The following BRD4 variants were observed in gnomAD, a reference collection of about 807,000 sequenced individuals.
BRD4 encodes bromodomain containing 4.
In BRD4, 16 loss-of-function variants were observed where a neutral mutation model predicts 142.1. That is an observed-to-expected ratio of 0.11 (90% CI 0.08 to 0.17). BRD4 has a LOEUF of 0.17. Ranked by LOEUF, BRD4 falls within the 10% of genes least tolerant of loss-of-function variation. BRD4 has a pLI of 1.00. For missense variants in BRD4, 1,424 were observed against 1,810.9 expected (o/e 0.79, Z 3.88); for synonymous variants, 833 against 707.5 (o/e 1.18, Z -2.82).
At position 15,248,884 on chromosome 19, in the gene BRD4, G is replaced by C. The variant is rs528295302; in HGVS notation, c.2159-4122C>G. On this transcript the variant is annotated intron_variant, in intron 11 of 19. Transcript: ENST00000679869. Reference sequence around the variant, plus strand: ...AGGGTCCAAAGTCCCAGAAAAAGAGGGATGGGACAAAGAGAGAAAACATAC... The same window carrying C: ...AGGGTCCAAAGTCCCAGAAAAAGAGCGATGGGACAAAGAGAGAAAACATAC... 2.8e-5 allele frequency: 9 copies of C among 325,744 alleles called. No individual in the cohort carries two copies. The East Asian group carries it at 3.4e-4, about 12-fold the overall frequency. The allele number at this position is 325,744 out of a possible 1,614,324, so 20.2% of individuals were successfully genotyped here.
rs1214435176 is a variant in BRD4, at chr19:15,325,662, A to C, written c.-35+6628T>G. Among the ~76,000 whole-genome samples, 4 of 152,168 alleles carry C rather than the reference A, an allele frequency of 2.6e-5. No homozygotes were observed. The South Asian group carries it at 8.3e-4, about 32-fold the overall frequency. On this transcript the variant is annotated intron_variant, in intron 1 of 19. Coordinates refer to ENST00000679869, the MANE Select transcript of BRD4 (RefSeq NM_001379291.1). ...ATGCAACCTTTCCAGAAAATAAGTT[A>C]AATCAAGTTTTCAAAAATATACACC...
At chr19:15,286,466 G>A (rs187206457) in intron 1 of BRD4, among the ~76,000 whole-genome samples, 12 of 152,320 alleles carry the variant, frequency 7.9e-5, no homozygotes, top group East Asian at 7.7e-4. Context: ...GCACATCTGC[G>A]CATGTCCAAC....
At chr19:15,256,779 T>G (rs143495129) in intron 8 of BRD4, among the ~76,000 whole-genome samples, 185 bp downstream of exon 8, 3 of 152,234 alleles carry the variant, frequency 2.0e-5, no homozygotes, top group Non-Finnish European at 4.4e-5. Context: ...TCAACACATA[T>G]ATCATACATA....
intron 14 of BRD4, among the ~76,000 whole-genome samples, chr19:15,241,206 G>A (rs746208287): frequency 6.6e-6 from 1 of 152,240 alleles, no homozygotes; most frequent in Non-Finnish European, 1.5e-5. Context: ...TTTGGGCACT[G>A]CCAATTCCAT....
chr19:15,298,478 C>T (rs764756110), intron 1 of BRD4, among the ~76,000 whole-genome samples: 20 of 151,460 alleles, frequency 1.3e-4, no homozygotes, highest in South Asian at 4.2e-4. Flanking sequence ...AAAATTAGCC[C>T]GGCACGGTGG....
At chr19:15,255,907 T>C (rs535570546) in intron 9 of BRD4, among the ~76,000 whole-genome samples, 157 bp downstream of exon 9, 1 of 152,336 alleles carries the variant, frequency 6.6e-6, no homozygotes, top group South Asian at 2.1e-4. Context: ...AGCTAAGTCC[T>C]GTGTGCAAGT....
At chr19:15,275,124 G>A (rs1472610384) in intron 1 of BRD4, among the ~76,000 whole-genome samples, 1 of 152,288 alleles carries the variant, frequency 6.6e-6, no homozygotes, top group South Asian at 2.1e-4. Flanking sequence ...CTCCCAAATT[G>A]CTGGGGTTAC....
At chr19:15,267,280 C>A (rs967840768) in intron 4 of BRD4, 136 bp downstream of exon 4, 11 of 1,173,920 alleles carry the variant, frequency 9.4e-6, no homozygotes, top group South Asian at 4.5e-5. Flanking sequence ...CAAACCCAAT[C>A]TCACATGTCC....
At chr19:15,276,986 T>C (rs2047654237) in intron 1 of BRD4, among the ~76,000 whole-genome samples, 1 of 151,796 alleles carries the variant, frequency 6.6e-6, no homozygotes, top group Admixed American at 6.6e-5. Flanking sequence ...GTGTGTGCGC[T>C]TCTGTGGTGG....
intron 1 of BRD4, among the ~76,000 whole-genome samples, chr19:15,292,339 A>G (rs1328275779): frequency 6.6e-6 from 1 of 152,204 alleles, no homozygotes; most frequent in African/African-American, 2.4e-5. Context: ...TGACTTATCT[A>G]CACCCCAAAG....
intron 11 of BRD4, chr19:15,248,990 C>T (rs1018055695): frequency 1.3e-5 from 7 of 534,146 alleles, no homozygotes; most frequent in Non-Finnish European, 2.0e-5. Context: ...GGAGATGCCA[C>T]CCACCCAGAG....
At chr19:15,296,940 GCCA>G (rs1309014808) in intron 1 of BRD4, among the ~76,000 whole-genome samples, 2 of 151,984 alleles carry the variant, frequency 1.3e-5, no homozygotes, top group South Asian at 4.2e-4. Context: ...CCCACCAACA[GCCA>G]CCACATGAAA....
rs138677651 is a variant in BRD4, at chr19:15,291,083, C to T, written c.-34-17950G>A. On this transcript the variant is annotated intron_variant, in intron 1 of 19. Transcript: ENST00000679869. ...TGTGACCTGACCATTGCTTATCACC[C>T]ACCACCACCACCCCGATCCTGTTCC... Among the ~76,000 whole-genome samples the T allele has an allele frequency of 3.5e-4, 54 of 152,160 alleles. No homozygotes were observed. The East Asian group carries it at 8.7e-3, about 24-fold the overall frequency.
At position 15,252,996 on chromosome 19, in the gene BRD4, T is replaced by G. The variant is rs150901232; in HGVS notation, c.2158+1156A>C. 305 of 211,178 alleles carry G rather than the reference T, an allele frequency of 1.4e-3. 2 individuals carry two copies. The highest frequency in any genetic ancestry group is 6.5e-3 in the African/African-American group (288 of 44,052). 13.1% of individuals were successfully genotyped at this position (211,178 alleles called of 1,614,324 possible). A position where few individuals can be genotyped will look rare whatever the true frequency, so the allele number is the denominator to read the frequency against. On this transcript the variant is annotated intron_variant, in intron 11 of 19. Coordinates refer to ENST00000679869, the MANE Select transcript of BRD4 (RefSeq NM_001379291.1). ...CAAGTTATTTACATGCACTGATTAT[T>G]GAGGGTTAGCATTTATTTCTAGTTA...
At chr19:15,276,078 C>T (rs749083954) in intron 1 of BRD4, among the ~76,000 whole-genome samples, 2 of 152,168 alleles carry the variant, frequency 1.3e-5, no homozygotes, top group Non-Finnish European at 1.5e-5. Flanking sequence ...ACTCCTGCAC[C>T]CACTCTGGGC....
At chr19:15,249,197 G>A (rs901173247) in intron 11 of BRD4, 58 of 1,609,566 alleles carry the variant, frequency 3.6e-5, no homozygotes, top group Admixed American at 2.2e-4. Context: ...TCCCTTTCAC[G>A]GAAGAAAATG....
chr19:15,304,584 G>A (rs978975554), intron 1 of BRD4, among the ~76,000 whole-genome samples: 2 of 152,186 alleles, frequency 1.3e-5, no homozygotes, highest in Non-Finnish European at 2.9e-5. Context: ...CTTGTAGTAA[G>A]CTGGCAGACA....
rs561749869 is a variant in BRD4, at chr19:15,281,224, C to T, written c.-34-8091G>A. 2.6e-5 allele frequency among the ~76,000 whole-genome samples: 4 copies of T among 152,160 alleles called. No individual in the cohort carries two copies. In the South Asian group the frequency reaches 8.4e-4, roughly 32 times the overall value. ...CACGCAGTGTGTATACACCCTGCCC[C>T]CCACCCCTTGGACCAGCCAAGTGGT... On this transcript the variant is annotated intron_variant, in intron 1 of 19. Transcript: ENST00000679869.
chr19:15,257,612 A>G (rs1046773670), intron 7 of BRD4, among the ~76,000 whole-genome samples: 1 of 152,070 alleles, frequency 6.6e-6, no homozygotes, highest in Non-Finnish European at 1.5e-5. Context: ...CAGGCAGAGG[A>G]CACAGCACAC....
Sources: gnomAD v4.1 joint callset for allele counts (sites outside exome capture counted in the v4.1 genomes callset) on GRCh38, gnomAD v4.1.1 for gene constraint, MANE v1.5 for transcripts, NCBI Gene and HGNC (gene_info 2026-07-23, HGNC 2026-07-21) for gene names.